Variants in DLG2 observed in about 807,000 individuals in gnomAD.
DLG2 encodes discs large MAGUK scaffold protein 2, also known as disks large homolog 2.
DLG2 carries 45 observed loss-of-function variants against 132.5 expected under a neutral mutation model. The observed-to-expected ratio is 0.34, with a 90% confidence interval of 0.27 to 0.44. The LOEUF (loss-of-function observed/expected upper bound fraction) is 0.44, where lower values mean the gene tolerates loss of function less well. Among genes scored for constraint, DLG2 ranks in the 20% least tolerant of loss-of-function variants. The pLI is 1.00. For missense variants in DLG2, 1,045 were observed against 1,196.9 expected, an observed-to-expected ratio of 0.87 and a Z score of 1.87; for synonymous variants, 424 against 419.6, an observed-to-expected ratio of 1.01 and a Z score of -0.13.
At chr11:83,990,480 G>A (rs1303716227) in intron 11 of DLG2, among the ~76,000 whole-genome samples, 4 of 152,038 alleles carry the variant, frequency 2.6e-5, no homozygotes, top group African/African-American at 4.8e-5. Context: ...TGAACGGATC[G>A]TGGTTCACTC....
intron 6 of DLG2, among the ~76,000 whole-genome samples, chr11:84,708,451 GT>G (rs909819006): frequency 7.6e-4 from 115 of 151,872 alleles, no homozygotes; most frequent in African/African-American, 2.7e-3. Context: ...CTCTAAGACC[GT>G]TTTTGAAATT....
At chr11:85,265,186 A>G (rs1423037773) in intron 4 of DLG2, among the ~76,000 whole-genome samples, 1 of 152,136 alleles carries the variant, frequency 6.6e-6, no homozygotes, top group African/African-American at 2.4e-5. Context: ...CTATATTATG[A>G]CATCATATTG....
intron 15 of DLG2, among the ~76,000 whole-genome samples, chr11:83,906,098 T>C (rs2074732668): frequency 1.3e-5 from 1 of 77,836 alleles, no homozygotes; most frequent in Non-Finnish European, 2.5e-5. Flanking sequence ...TATATATATA[T>C]ATATATACAT....
intron 22 of DLG2, among the ~76,000 whole-genome samples, chr11:83,477,167 T>C (rs918984561): frequency 6.6e-5 from 10 of 152,118 alleles, no homozygotes; most frequent in African/African-American, 2.2e-4. Flanking sequence ...GAGGAAGGCA[T>C]GTCTTCAGCT....
At chr11:84,832,702 ATTAC>A (rs2079197039) in intron 6 of DLG2, among the ~76,000 whole-genome samples, 1 of 151,800 alleles carries the variant, frequency 6.6e-6, no homozygotes, top group African/African-American at 2.4e-5. Context: ...ACTTGACTGT[ATTAC>A]TTATTTATGT....
At chr11:85,232,911 G>A (rs983145644) in intron 4 of DLG2, among the ~76,000 whole-genome samples, 1 of 151,798 alleles carries the variant, frequency 6.6e-6, no homozygotes, top group African/African-American at 2.4e-5. Flanking sequence ...CTTTTATTTG[G>A]TGACCCAGAT....
At chr11:84,563,472 G>C (rs1399040547) in intron 6 of DLG2, among the ~76,000 whole-genome samples, 1 of 152,172 alleles carries the variant, frequency 6.6e-6, no homozygotes, top group Non-Finnish European at 1.5e-5. Flanking sequence ...AGGGCTGGAA[G>C]GAATCATGCT....
intron 6 of DLG2, among the ~76,000 whole-genome samples, chr11:84,850,691 G>A (rs569671138): frequency 3.9e-5 from 6 of 152,206 alleles, no homozygotes; most frequent in Non-Finnish European, 7.4e-5. Context: ...AACAGATTCA[G>A]CAAGGTTGCA....
intron 19 of DLG2, among the ~76,000 whole-genome samples, chr11:83,560,960 A>T (rs944387043): frequency 5.3e-5 from 8 of 151,974 alleles, no homozygotes; most frequent in African/African-American, 1.9e-4. Context: ...TAGAGAAAGC[A>T]TGATGCTGGC....
At chr11:83,976,102 G>A (rs1042743621) in intron 12 of DLG2, among the ~76,000 whole-genome samples, 4 of 151,838 alleles carry the variant, frequency 2.6e-5, no homozygotes, top group African/African-American at 4.8e-5. Flanking sequence ...TATGATTCAG[G>A]TGGTGCCCAA....
At chr11:84,445,778 T>C (rs1033157451) in intron 7 of DLG2, among the ~76,000 whole-genome samples, 3 of 151,678 alleles carry the variant, frequency 2.0e-5, no homozygotes, top group Non-Finnish European at 4.4e-5. Context: ...TAGCCGGGTG[T>C]GGTAGCGGGC....
chr11:84,763,386 T>C (rs1025381218), intron 6 of DLG2: 1 of 152,118 alleles, frequency 6.6e-6, no homozygotes, highest in African/African-American at 2.4e-5. Flanking sequence ...ACATTCCATC[T>C]CTTGAGTTTA....
At chr11:85,019,469 T>G (rs1195328697) in intron 6 of DLG2, among the ~76,000 whole-genome samples, 1 of 152,086 alleles carries the variant, frequency 6.6e-6, no homozygotes, top group African/African-American at 2.4e-5. Flanking sequence ...TATTTTATTA[T>G]TTATTTATTT....
chr11:85,442,464 A>C (rs1487088002), intron 3 of DLG2, among the ~76,000 whole-genome samples: 1 of 152,222 alleles, frequency 6.6e-6, no homozygotes, highest in African/African-American at 2.4e-5. Context: ...AGTGGAATCA[A>C]AAATGACTCA....
chr11:84,040,456 G>A (rs75103292), intron 11 of DLG2, among the ~76,000 whole-genome samples: 96,038 of 149,618 alleles, frequency 0.64, 33,717 homozygotes, highest in Non-Finnish European at 0.79. Context: ...CAGTTTTCCC[G>A]GCACCATTTA....
At chr11:83,949,943 T>A (rs2084975317) in intron 14 of DLG2, among the ~76,000 whole-genome samples, 1 of 152,184 alleles carries the variant, frequency 6.6e-6, no homozygotes, top group Admixed American at 6.5e-5. Context: ...GTTTTATAAG[T>A]TATAATTTGG....
At chr11:85,012,068 TC>T (rs983439327) in intron 6 of DLG2, among the ~76,000 whole-genome samples, 51 of 151,624 alleles carry the variant, frequency 3.4e-4, no homozygotes, top group African/African-American at 1.2e-3. Flanking sequence ...ATGCCTGTAA[TC>T]CCAGCACTTT....
At chr11:83,907,860 A>C (rs1423934724) in intron 15 of DLG2, among the ~76,000 whole-genome samples, 1 of 152,106 alleles carries the variant, frequency 6.6e-6, no homozygotes, top group Non-Finnish European at 1.5e-5. Flanking sequence ...GCTGCTTTGC[A>C]CACACCTTCA....
chr11:85,416,158 G>A (rs1478369510), intron 3 of DLG2, among the ~76,000 whole-genome samples: 1 of 152,120 alleles, frequency 6.6e-6, no homozygotes, highest in Non-Finnish European at 1.5e-5. Flanking sequence ...CTTTCGTCAG[G>A]TTTGTCAAAG....
Sources: gnomAD v4.1 joint callset for allele counts (sites outside exome capture counted in the v4.1 genomes callset) on GRCh38, gnomAD v4.1.1 for gene constraint, MANE v1.5 for transcripts, NCBI Gene and HGNC (gene_info 2026-07-23, HGNC 2026-07-21) for gene names.